Variants in IL22RA2 observed in about 807,000 individuals in gnomAD.
IL22RA2 encodes interleukin 22 receptor subunit alpha 2, also known as interleukin-22 receptor subunit alpha-2.
In IL22RA2, 39 loss-of-function variants were observed where a neutral mutation model predicts 30.7. The observed-to-expected ratio is 1.27, with a 90% CI of 0.98 to 1.66. The LOEUF is 1.66. Among genes scored for constraint, IL22RA2 ranks in the 40% most tolerant of loss-of-function variants. The pLI is 0.00. For synonymous variants in IL22RA2, 103 were observed against 105.0 expected (o/e 0.98, Z 0.11); for missense variants, 315 against 312.7 (o/e 1.01, Z -0.05).
chr6:137,156,831 C>G lies in IL22RA2; in HGVS notation c.221G>C (p.Ser74Thr), dbSNP rs112919612. The change falls in exon 4 of 7, where the codon AGC becomes ACC. Residue 74 changes from serine to threonine, a missense_variant. Transcript: ENST00000296980. ...YKIMFSCSMKSSHQKPSGCWQ... is the reference protein window; with the variant it reads ...YKIMFSCSMKTSHQKPSGCWQ... ...GCATCCACTTGGCTTCTGGTGAGAGCTTTTCATGCTGCATGAGAACATGCT... is the reference window on the plus strand; with the variant it reads ...GCATCCACTTGGCTTCTGGTGAGAGGTTTTCATGCTGCATGAGAACATGCT... 2.7e-5 allele frequency: 43 copies of G among 1,613,662 alleles called. 1 individual carries two copies. The African/African-American group carries it at 3.5e-4, about 13-fold the overall frequency.
At chr6:137,173,230 G>C (rs902185333) in intron 1 of IL22RA2, among the ~76,000 whole-genome samples, 183 bp downstream of exon 1, 4 of 152,140 alleles carry the variant, frequency 2.6e-5, no homozygotes, top group Non-Finnish European at 4.4e-5. Flanking sequence ...AAATTAGCCA[G>C]GCGTGACGGT....
intron 5 of IL22RA2, 64 bp downstream of exon 5, chr6:137,154,877 C>G: frequency 7.1e-7 from 1 of 1,414,062 alleles, no homozygotes; most frequent in South Asian, 1.2e-5. Flanking sequence ...AGTCACTAGC[C>G]GTGCTCCGGG....
intron 1 of IL22RA2, among the ~76,000 whole-genome samples, chr6:137,167,980 T>C (rs1264327699): frequency 6.6e-6 from 1 of 152,230 alleles, no homozygotes; most frequent in Non-Finnish European, 1.5e-5. Context: ...TACTCTTACT[T>C]GTAGTAATTA....
intron 2 of IL22RA2, among the ~76,000 whole-genome samples, chr6:137,159,688 T>G (rs993620354): frequency 2.0e-5 from 3 of 152,164 alleles, no homozygotes; most frequent in African/African-American, 7.2e-5. Context: ...GTGTTTGCAG[T>G]GTTGACTCCT....
At chr6:137,161,372 G>T (rs1027422477) in intron 2 of IL22RA2, among the ~76,000 whole-genome samples, 4 of 151,998 alleles carry the variant, frequency 2.6e-5, no homozygotes, top group African/African-American at 9.7e-5. Flanking sequence ...GTGAGAGCCA[G>T]AGAGAAAGAG....
intron 1 of IL22RA2, among the ~76,000 whole-genome samples, chr6:137,163,457 C>T (rs948381142): frequency 6.6e-6 from 1 of 152,132 alleles, no homozygotes; most frequent in Non-Finnish European, 1.5e-5. Context: ...AATCTGGGGT[C>T]CTTGGTGCCA....
Position 137,158,327 on chromosome 6 carries a change from AG to A in IL22RA2, c.197+19del. On this transcript the variant is annotated intron_variant, in intron 3 of 6. Coordinates refer to ENST00000296980, the MANE Select transcript of IL22RA2 (RefSeq NM_052962.3). ...TCCCAGTGCCATCTCTATCAGCTGAAGGAGGCTCAATTTACTTACATTTTGT... is the reference window on the plus strand; with the variant it reads ...TCCCAGTGCCATCTCTATCAGCTGAAGAGGCTCAATTTACTTACATTTTGT... The A allele has an allele frequency of 6.2e-7, 1 of 1,613,710 alleles. No homozygotes were observed. Among genetic ancestry groups the A allele is most frequent in the Non-Finnish European group, 8.5e-7 (1 of 1,179,608 alleles).
At chr6:137,148,022 T>C in intron 5 of IL22RA2, 131 bp from the exon 6 acceptor site, 1 of 758,804 alleles carries the variant, frequency 1.3e-6, no homozygotes, top group Non-Finnish European at 2.2e-6. Flanking sequence ...TGCAGTGAGC[T>C]ATGATCATGC....
chr6:137,146,513 C>A (rs1279003715), intron 6 of IL22RA2, among the ~76,000 whole-genome samples: 1 of 152,188 alleles, frequency 6.6e-6, no homozygotes, highest in Non-Finnish European at 1.5e-5. Flanking sequence ...ACTCTACGTC[C>A]TGCCTCTGTC....
At chr6:137,147,278 C>T (rs1302642950) in intron 6 of IL22RA2, among the ~76,000 whole-genome samples, 1 of 145,976 alleles carries the variant, frequency 6.9e-6, no homozygotes, top group Non-Finnish European at 1.5e-5. Context: ...AGGAGGACCA[C>T]TTAAGCCCAG....
chr6:137,151,410 T>C (rs767027908), intron 5 of IL22RA2, among the ~76,000 whole-genome samples: 8 of 152,130 alleles, frequency 5.3e-5, no homozygotes, highest in Non-Finnish European at 1.2e-4. Flanking sequence ...AAAAATTAAC[T>C]CAAAATGAAT....
chr6:137,163,571 A>G (rs28385762), intron 1 of IL22RA2, among the ~76,000 whole-genome samples: 12,073 of 152,228 alleles, frequency 0.079, 1,173 homozygotes, highest in African/African-American at 0.23. Context: ...GACAGTCACA[A>G]GAACAGTGCA....
chr6:137,156,995 C>T, intron 3 of IL22RA2, 141 bp from the exon 4 acceptor site: 1 of 1,205,740 alleles, frequency 8.3e-7, no homozygotes, highest in South Asian at 1.5e-5. Flanking sequence ...TCAACTGCAG[C>T]AATAATGGTA....
At chr6:137,153,022 G>T (rs1377133807) in intron 5 of IL22RA2, among the ~76,000 whole-genome samples, 1 of 152,074 alleles carries the variant, frequency 6.6e-6, no homozygotes, top group African/African-American at 2.4e-5. Flanking sequence ...AAGAGACATT[G>T]GTTATAGATT....
chr6:137,154,872 C>G (rs751658359), intron 5 of IL22RA2, 69 bp downstream of exon 5: 60 of 1,364,522 alleles, frequency 4.4e-5, no homozygotes, highest in Middle Eastern at 2.4e-4. Flanking sequence ...GGCCTAGTCA[C>G]TAGCCGTGCT....
intron 5 of IL22RA2, 85 bp downstream of exon 5, chr6:137,154,855 AG>A (rs1258054328): frequency 1.8e-6 from 2 of 1,128,994 alleles, no homozygotes; most frequent in Admixed American, 1.8e-5. Flanking sequence ...ACCTCAGCAA[AG>A]CACAAGGCCT....
intron 2 of IL22RA2, among the ~76,000 whole-genome samples, chr6:137,158,894 C>T (rs576611390): frequency 1.5e-4 from 23 of 152,304 alleles, no homozygotes; most frequent in African/African-American, 5.3e-4. Flanking sequence ...TTGCTAGTGA[C>T]CACTTCTGGG....
intron 1 of IL22RA2, among the ~76,000 whole-genome samples, chr6:137,168,703 C>T (rs1042811873): frequency 1.3e-5 from 2 of 152,168 alleles, no homozygotes; most frequent in Non-Finnish European, 2.9e-5. Flanking sequence ...ACATGCTACC[C>T]ACTCAATCTG....
In IL22RA2 at chr6:137,147,733, A is replaced by T; in HGVS notation, c.631T>A (p.Ser211Thr). 6.5e-7 allele frequency: 1 copy of T among 1,547,258 alleles called. No individual in the cohort carries two copies. The highest frequency in any genetic ancestry group is 8.8e-7 in the Non-Finnish European group (1 of 1,133,662). The part of the protein sequence containing the change: ...LLYRVFIINN[S>T]LEKEQKVYEG... ...TCATCTGAACTTACCTTTTCTAGTG[A>T]ATTGTTAATTATAAAAACTCGGTAT... The change falls in exon 6 of 7, where the codon TCA becomes ACA. Residue 211 changes from serine (S) to threonine (T), a missense_variant. Coordinates refer to ENST00000296980, the MANE Select transcript of IL22RA2 (RefSeq NM_052962.3).
Sources: gnomAD v4.1 joint callset for allele counts (sites outside exome capture counted in the v4.1 genomes callset) on GRCh38, gnomAD v4.1.1 for gene constraint, MANE v1.5 for transcripts, NCBI Gene and HGNC (gene_info 2026-07-23, HGNC 2026-07-21) for gene names.